LYN: variants seen among roughly 807,000 people sequenced by gnomAD.
LYN encodes LYN proto-oncogene, Src family tyrosine kinase.
A neutral mutation model predicts 65.0 loss-of-function variants in LYN; 12 were observed. The ratio of observed to expected loss-of-function variants is 0.18; its 90% confidence interval spans 0.12 to 0.30. The LOEUF (loss-of-function observed/expected upper bound fraction) is 0.30. LYN is among the 10% of genes least tolerant of loss of function. LYN has a pLI of 1.00. For missense variants in LYN, 380 were observed against 623.2 expected (o/e 0.61, Z 4.16); for synonymous variants, 222 against 221.2 (o/e 1.00, Z -0.03).
intron 10 of LYN, among the ~76,000 whole-genome samples, chr8:55,970,465 C>T (rs572220312): frequency 6.6e-6 from 1 of 152,286 alleles, no homozygotes; most frequent in South Asian, 2.1e-4. Flanking sequence ...TTACTAGTTT[C>T]ATTGTGTCCA....
chr8:55,921,424 TTACATAACAGACATAAAGTTG>T (rs1347087175), intron 1 of LYN, among the ~76,000 whole-genome samples: 7 of 152,102 alleles, frequency 4.6e-5, no homozygotes, highest in South Asian at 2.1e-4. Flanking sequence ...ACCTCTAGAG[TTACATAACAGACATAAAGTTG>T]TACATAACAG....
At chr8:55,975,853 A>G (rs2130541550) in intron 10 of LYN, among the ~76,000 whole-genome samples, 1 of 152,218 alleles carries the variant, frequency 6.6e-6, no homozygotes, top group Non-Finnish European at 1.5e-5. Context: ...TATTTAAGCA[A>G]GAGGAATCAT....
At chr8:55,916,452 C>T (rs1017974200) in intron 1 of LYN, among the ~76,000 whole-genome samples, 1 of 152,158 alleles carries the variant, frequency 6.6e-6, no homozygotes, top group African/African-American at 2.4e-5. Flanking sequence ...GATTTCCATA[C>T]ATAATACTGC....
rs1808822246 is a variant in LYN, at chr8:56,011,702, A to G, written c.*1592A>G. The G allele has an allele frequency of 5.2e-6, 1 of 192,804 alleles. No homozygotes were observed. The highest frequency in any genetic ancestry group is 2.3e-5 in the African/African-American group (1 of 43,176). The allele number at this position is 192,804 out of a possible 1,614,324, so 11.9% of individuals were successfully genotyped here. A position where few individuals can be genotyped will look rare whatever the true frequency, so the allele number is the denominator to read the frequency against. On this transcript the variant is annotated 3_prime_UTR_variant, in exon 13 of 13. Coordinates refer to ENST00000519728, the MANE Select transcript of LYN (RefSeq NM_002350.4). ...GATAAAATATTCTACTTTTTTCTAA[A>G]TTTTAACTTTGTTTCCTATGTGATT...
chr8:55,897,057 A>G (rs1340360679), intron 1 of LYN, among the ~76,000 whole-genome samples: 1 of 152,154 alleles, frequency 6.6e-6, no homozygotes, highest in Non-Finnish European at 1.5e-5. Flanking sequence ...CATTTAAATG[A>G]TGAGGAAATA....
At chr8:55,940,744 A>G (rs1025713616) in intron 1 of LYN, among the ~76,000 whole-genome samples, 5 of 152,144 alleles carry the variant, frequency 3.3e-5, no homozygotes, top group African/African-American at 1.2e-4. Flanking sequence ...AAATGTTCAA[A>G]ATCACCTTTG....
At chr8:55,903,146 C>G (rs1483149329) in intron 1 of LYN, among the ~76,000 whole-genome samples, 1 of 152,236 alleles carries the variant, frequency 6.6e-6, no homozygotes, top group East Asian at 1.9e-4. Context: ...TGCGCCCGGC[C>G]TACGCCCAGC....
chr8:55,909,506 T>C (rs1177204038), intron 1 of LYN, among the ~76,000 whole-genome samples: 1 of 152,264 alleles, frequency 6.6e-6, no homozygotes, highest in Non-Finnish European at 1.5e-5. Flanking sequence ...CATCCGCTGA[T>C]GGACATTTAG....
chr8:55,918,865 C>G (rs1411516116), intron 1 of LYN, among the ~76,000 whole-genome samples: 3 of 152,066 alleles, frequency 2.0e-5, no homozygotes, highest in African/African-American at 7.2e-5. Flanking sequence ...TGAGATTTCT[C>G]CACCTTCACG....
chr8:55,949,609 A>C (rs1421585673), intron 4 of LYN, among the ~76,000 whole-genome samples: 1 of 152,236 alleles, frequency 6.6e-6, no homozygotes, highest in Non-Finnish European at 1.5e-5. Context: ...ATACAGAGCG[A>C]TATTTTGATA....
chr8:55,999,489 G>A lies in LYN; in HGVS notation c.1276G>A (p.Val426Met), dbSNP rs1808459526. The A allele has an allele frequency of 1.9e-6, 3 of 1,613,604 alleles. No homozygotes were observed. The highest frequency in any genetic ancestry group is 2.5e-6 in the Non-Finnish European group (3 of 1,179,506). ...TGGATGTTTCACTATTAAGTCTGAT[G>A]TGTGGTCCTTTGGAATCCTCCTATA... is the stretch of plus-strand genomic sequence containing the variant. Reference protein sequence around the residue: ...NFGCFTIKSDVWSFGILLYEI... With the variant: ...NFGCFTIKSDMWSFGILLYEI... Residue 426 changes from valine to methionine, a missense_variant, in exon 12 of 13, where the codon GTG (valine) becomes ATG (methionine). By Grantham distance (21) the Val-to-Met change is conservative. Around this residue, in one of 2 missense-constraint regions of LYN, gnomAD observed 223 missense variants for 430.0 expected, o/e 0.52. Coordinates refer to ENST00000519728, the MANE Select transcript of LYN (RefSeq NM_002350.4).
chr8:55,997,780 C>T (rs866579050), intron 10 of LYN, among the ~76,000 whole-genome samples: 37 of 152,180 alleles, frequency 2.4e-4, no homozygotes, highest in African/African-American at 8.7e-4. Context: ...AGATTCTTCA[C>T]ACATTAGAAA....
chr8:56,007,993 C>T (rs1050120681), intron 12 of LYN, among the ~76,000 whole-genome samples: 1 of 151,760 alleles, frequency 6.6e-6, no homozygotes, highest in Admixed American at 6.6e-5. Flanking sequence ...GTAGTGGGCA[C>T]CTGTAATCCC....
At position 55,966,839 on chromosome 8, in the gene LYN, C is replaced by T; in HGVS notation, c.915C>T (p.Leu305=). Residue 305 remains leucine, a synonymous_variant, in exon 9 of 13, where the codon CTC becomes CTT. Transcript: ENST00000519728. ...TGCAGCATGACAAGCTCGTGAGGCT[C>T]TACGCTGTGGTCACCAGGGAGGAGC... The part of the protein sequence containing the change: ...KTLQHDKLVR[L]YAVVTREEPI... 1.2e-6 allele frequency: 2 copies of T among 1,614,140 alleles called. No individual in the cohort carries two copies. Among genetic ancestry groups the T allele is most frequent in the Non-Finnish European group, 1.7e-6 (2 of 1,180,014 alleles).
At chr8:55,899,916 C>T (rs565957682) in intron 1 of LYN, among the ~76,000 whole-genome samples, 2 of 152,300 alleles carry the variant, frequency 1.3e-5, no homozygotes, top group East Asian at 3.9e-4. Context: ...GCTAGGATTA[C>T]AGGCATGAGC....
chr8:55,937,018 C>G (rs1194930315), intron 1 of LYN, among the ~76,000 whole-genome samples: 1 of 152,182 alleles, frequency 6.6e-6, no homozygotes, highest in African/African-American at 2.4e-5. Flanking sequence ...ACATTTATAG[C>G]TACTCTGTTT....
Position 55,947,706 on chromosome 8 carries a change from G to A in LYN, c.267G>A (p.Lys89=). The change falls in exon 4 of 13, where the codon AAG becomes AAA. Residue 89 remains lysine, a synonymous_variant. Transcript: ENST00000519728. The part of the protein sequence containing the change: ...PDDLSFKKGE[K]MKVLEEHGEW... ...ACTTGTCTTTCAAGAAAGGAGAGAAGATGAAAGTCCTGGAGGAGTAAGTGC... is the reference window on the plus strand; with the variant it reads ...ACTTGTCTTTCAAGAAAGGAGAGAAAATGAAAGTCCTGGAGGAGTAAGTGC... 6.2e-7 allele frequency: 1 copy of A among 1,613,650 alleles called. No individual in the cohort carries two copies. The highest frequency in any genetic ancestry group is 8.5e-7 in the Non-Finnish European group (1 of 1,179,586).
intron 8 of LYN, 86 bp downstream of exon 8, chr8:55,954,070 A>T (rs1807032544): frequency 7.1e-7 from 1 of 1,402,360 alleles, no homozygotes; most frequent in East Asian, 2.3e-5. Context: ...TCAGCTTCTG[A>T]GCCAGACACT....
chr8:56,010,757 A>ATC lies in LYN; in HGVS notation c.*657_*658dup, dbSNP rs1183226441. ...GACATGCCATAGGAGTGGCGTGCAC[A>ATC]TCTCTCTCTCTTCCAGCAGGAGGAG... On this transcript the variant is annotated 3_prime_UTR_variant, in exon 13 of 13. Coordinates refer to ENST00000519728, the MANE Select transcript of LYN (RefSeq NM_002350.4). 2 of 229,932 alleles carry ATC rather than the reference A, an allele frequency of 8.7e-6. No homozygotes were observed. The highest frequency in any genetic ancestry group is 1.7e-5 in the Non-Finnish European group (2 of 116,158). 14.2% of individuals were successfully genotyped at this position (229,932 alleles called of 1,614,324 possible).
Sources: gnomAD v4.1 joint callset for allele counts (sites outside exome capture counted in the v4.1 genomes callset) on GRCh38, gnomAD v4.1.1 for gene constraint, gnomAD v4.1.1 regional missense constraint, MANE v1.5 for transcripts, NCBI Gene and HGNC (gene_info 2026-07-23, HGNC 2026-07-21) for gene names.